The following XIRP2 variants were observed in gnomAD, a reference collection of about 807,000 sequenced individuals.
The protein encoded by XIRP2 is xin actin-binding repeat-containing protein 2.
A neutral mutation model predicts 277.0 loss-of-function variants in XIRP2; 236 were observed. The ratio of observed to expected loss-of-function variants is 0.85; its 90% CI spans 0.77 to 0.95. XIRP2 has a LOEUF of 0.95. Ranked by LOEUF, XIRP2 falls within the 40% of genes least tolerant of loss-of-function variation. The pLI is 0.00. For synonymous variants in XIRP2, 1,490 were observed against 1,416.5 expected (o/e 1.05, Z -1.17); for missense variants, 4,640 against 4,157.5 (o/e 1.12, Z -3.19).
At chr2:167,077,054 G>A (rs941250979) in intron 2 of XIRP2, among the ~76,000 whole-genome samples, 4 of 152,014 alleles carry the variant, frequency 2.6e-5, no homozygotes, top group African/African-American at 9.7e-5. Context: ...GTCTCGCTAT[G>A]TTGCCCAGGC....
chr2:167,106,306 T>C (rs1451657575), intron 2 of XIRP2, among the ~76,000 whole-genome samples: 2 of 151,792 alleles, frequency 1.3e-5, no homozygotes, highest in African/African-American at 4.8e-5. Context: ...TATTTTTACA[T>C]GTTACATTTA....
In XIRP2 at chr2:167,242,870, G is replaced by T. The variant is rs746786554; in HGVS notation, c.1478G>T (p.Arg493Ile). The T allele has an allele frequency of 4.5e-5, 73 of 1,613,942 alleles. No homozygotes were observed. Among genetic ancestry groups the T allele is most frequent in the Non-Finnish European group, 5.7e-5 (67 of 1,179,986 alleles). ...CCCAAAGATGTATATTCCAAGCAAA[G>T]AAATTTGTATGAATTAAACCGTTTA... ...PVPKDVYSKQ[R>I]NLYELNRLYK... is the part of the protein sequence containing the mutation. The change falls in exon 9 of 11, where the codon AGA becomes ATA. Residue 493 changes from arginine to isoleucine, a missense_variant. Physicochemically the swap from Arg to Ile is moderately conservative, Grantham distance 97. Transcript: ENST00000409195.
chr2:167,078,705 C>T (rs111662649), intron 2 of XIRP2, among the ~76,000 whole-genome samples: 10 of 152,020 alleles, frequency 6.6e-5, no homozygotes, highest in African/African-American at 1.9e-4. Context: ...GGCATGGTGG[C>T]GGGCGCCTGC....
chr2:167,171,660 G>T (rs1418922358), intron 3 of XIRP2, among the ~76,000 whole-genome samples: 1 of 152,282 alleles, frequency 6.6e-6, no homozygotes, highest in South Asian at 2.1e-4. Context: ...AGATGTTAAA[G>T]CTCCCAACTA....
chr2:167,209,078 G>A (rs1252079898), intron 3 of XIRP2, among the ~76,000 whole-genome samples: 1 of 152,140 alleles, frequency 6.6e-6, no homozygotes, highest in African/African-American at 2.4e-5. Flanking sequence ...GATGACAGGT[G>A]AATTTCAAAG....
At chr2:166,994,537 A>G (rs1373729936) in intron 2 of XIRP2, among the ~76,000 whole-genome samples, 1 of 148,132 alleles carries the variant, frequency 6.8e-6, no homozygotes, top group South Asian at 2.2e-4. Context: ...ATGTGTAGGT[A>G]AGGCTTCCAA....
intron 3 of XIRP2, among the ~76,000 whole-genome samples, chr2:167,172,001 C>T (rs144296083): frequency 1.3e-5 from 2 of 152,216 alleles, no homozygotes; most frequent in African/African-American, 4.8e-5. Flanking sequence ...GCATGCGATG[C>T]GTAGTAATCA....
chr2:166,908,436 T>C (rs1216174851), intron 2 of XIRP2, among the ~76,000 whole-genome samples: 2 of 152,238 alleles, frequency 1.3e-5, no homozygotes, highest in South Asian at 2.1e-4. Context: ...CCTGTTCATA[T>C]CCTTCGCCCA....
chr2:167,133,079 C>T (rs1401355405), intron 2 of XIRP2, among the ~76,000 whole-genome samples: 3 of 152,214 alleles, frequency 2.0e-5, no homozygotes, highest in Admixed American at 1.3e-4. Flanking sequence ...TGGCAAGTGA[C>T]TTAATCAAGG....
At chr2:166,982,524 T>C (rs932851301) in intron 2 of XIRP2, among the ~76,000 whole-genome samples, 1 of 152,068 alleles carries the variant, frequency 6.6e-6, no homozygotes, top group African/African-American at 2.4e-5. Flanking sequence ...TATCATGTTT[T>C]TTTATTAATT....
intron 2 of XIRP2, among the ~76,000 whole-genome samples, chr2:167,089,618 ATGTG>A (rs953085736): frequency 8.6e-5 from 13 of 152,044 alleles, no homozygotes; most frequent in Admixed American, 8.5e-4. Context: ...ACTTAAGTAA[ATGTG>A]TGTGGGGGGG....
At chr2:166,918,433 C>G (rs1004324) in intron 2 of XIRP2, among the ~76,000 whole-genome samples, 1 of 150,756 alleles carries the variant, frequency 6.6e-6, no homozygotes, top group African/African-American at 2.4e-5. Context: ...AGAAGATTCT[C>G]GAAAAGAAAA....
At position 167,258,660 on chromosome 2, in the gene XIRP2, A is replaced by G. The variant is rs1313741748; in HGVS notation, c.*843A>G. ...CCAGAAAATCATAAAGAAAATTTGA[A>G]TAAGAATAATAATAACAATTATGTA... On this transcript the variant is annotated 3_prime_UTR_variant, in exon 11 of 11. Coordinates refer to ENST00000409195, the MANE Select transcript of XIRP2 (RefSeq NM_152381.6). 1 of 1,611,248 alleles carries G rather than the reference A, an allele frequency of 6.2e-7. No homozygotes were observed. The highest frequency in any genetic ancestry group is 1.3e-5 in the African/African-American group (1 of 74,728).
intron 5 of XIRP2, among the ~76,000 whole-genome samples, chr2:167,222,861 CT>C (rs897074176): frequency 1.3e-5 from 2 of 151,472 alleles, no homozygotes; most frequent in African/African-American, 2.4e-5. Flanking sequence ...CTTTCTTCCT[CT>C]TTTTTTTTCT....
rs565531801 is a variant in XIRP2, at chr2:167,026,657, G to C, written c.409-109252G>C. On this transcript the variant is annotated intron_variant, in intron 2 of 10. Coordinates refer to ENST00000409195, the MANE Select transcript of XIRP2 (RefSeq NM_152381.6). ...TCTTTTAGGGCAGGCCTGGTGGTGAGAAAATCTCTCAGCATTTGCTTGTCT... is the reference window on the plus strand; with the variant it reads ...TCTTTTAGGGCAGGCCTGGTGGTGACAAAATCTCTCAGCATTTGCTTGTCT... Among the ~76,000 whole-genome samples, 66 of 152,148 alleles carry C rather than the reference G, an allele frequency of 4.3e-4. 1 individual carries two copies. Among genetic ancestry groups the C allele is most frequent in the Middle Eastern group, 3.4e-3 (1 of 294 alleles).
chr2:167,161,300 C>A (rs1198606205), intron 3 of XIRP2, among the ~76,000 whole-genome samples: 2 of 152,230 alleles, frequency 1.3e-5, no homozygotes, highest in Non-Finnish European at 2.9e-5. Context: ...TAGGTGGTGC[C>A]CCAGTAGGGG....
chr2:166,965,118 C>A (rs748129132), intron 2 of XIRP2, among the ~76,000 whole-genome samples: 4 of 151,804 alleles, frequency 2.6e-5, no homozygotes, highest in Non-Finnish European at 4.4e-5. Context: ...ACTTAACTTG[C>A]AATTCAGTGA....
intron 3 of XIRP2, among the ~76,000 whole-genome samples, chr2:167,151,819 GTTGTT>G (rs1252767725): frequency 1.3e-5 from 2 of 152,048 alleles, no homozygotes; most frequent in Non-Finnish European, 2.9e-5. Flanking sequence ...TAGGTGCATG[GTTGTT>G]GCTATGGGAC....
intron 2 of XIRP2, among the ~76,000 whole-genome samples, chr2:167,020,840 G>T (rs1687963298): frequency 1.3e-5 from 2 of 152,016 alleles, no homozygotes; most frequent in Non-Finnish European, 2.9e-5. Flanking sequence ...TCTGATCAAA[G>T]GAGTAACTTT....
Sources: gnomAD v4.1 joint callset for allele counts (sites outside exome capture counted in the v4.1 genomes callset) on GRCh38, gnomAD v4.1.1 for gene constraint, MANE v1.5 for transcripts, NCBI Gene and HGNC (gene_info 2026-07-23, HGNC 2026-07-21) for gene names.